The following CTNNA2 variants were observed in gnomAD, a reference collection of about 807,000 sequenced individuals.
The protein encoded by CTNNA2 is catenin alpha-2.
Under a neutral mutation model 101.0 loss-of-function variants are expected in CTNNA2, and 42 were observed. The ratio of observed to expected loss-of-function variants is 0.42; its 90% confidence interval spans 0.32 to 0.54. The LOEUF is 0.54. Ranked by LOEUF, CTNNA2 falls within the 20% of genes least tolerant of loss-of-function variation. The pLI is 0.14. For missense variants in CTNNA2, 871 were observed against 1,223.1 expected (o/e 0.71, Z 4.29); for synonymous variants, 450 against 456.4 (o/e 0.99, Z 0.18).
intron 12 of CTNNA2, among the ~76,000 whole-genome samples, chr2:80,568,399 T>G (rs1431528045): frequency 6.6e-6 from 1 of 152,200 alleles, no homozygotes; most frequent in Non-Finnish European, 1.5e-5. Flanking sequence ...TATCCTTCTC[T>G]ACCCAACTGG....
chr2:80,525,997 A>G (rs1689999565), intron 9 of CTNNA2, among the ~76,000 whole-genome samples: 1 of 151,862 alleles, frequency 6.6e-6, no homozygotes, highest in African/African-American at 2.4e-5. Context: ...TTTTGCACCA[A>G]CCTAATACTC....
chr2:80,591,461 T>A (rs937308029), intron 15 of CTNNA2, among the ~76,000 whole-genome samples: 3 of 133,468 alleles, frequency 2.2e-5, no homozygotes, highest in African/African-American at 6.7e-5. Context: ...CAGCCTGTTT[T>A]TTTTTTTTTT....
intron 3 of CTNNA2, among the ~76,000 whole-genome samples, chr2:79,314,078 A>G (rs938714629): frequency 4.6e-5 from 7 of 152,214 alleles, no homozygotes; most frequent in African/African-American, 1.7e-4. Context: ...ACCTAAGGTG[A>G]GGAATCATTT....
At chr2:80,431,854 A>T (rs193234247) in intron 9 of CTNNA2, among the ~76,000 whole-genome samples, 1 of 152,332 alleles carries the variant, frequency 6.6e-6, no homozygotes, top group Non-Finnish European at 1.5e-5. Context: ...TTCTGTTATT[A>T]ACTGAGACCA....
chr2:80,398,724 C>T (rs577706805), intron 8 of CTNNA2, among the ~76,000 whole-genome samples: 20 of 150,312 alleles, frequency 1.3e-4, no homozygotes, highest in South Asian at 6.4e-4. Flanking sequence ...AAAATTCACC[C>T]GGCATGGTGG....
intron 7 of CTNNA2, among the ~76,000 whole-genome samples, chr2:80,095,624 G>T (rs575942169): frequency 1.3e-5 from 2 of 152,086 alleles, no homozygotes; most frequent in Admixed American, 6.5e-5. Flanking sequence ...CTGTGAATCC[G>T]TCTGGTCCTG....
At chr2:80,169,708 G>T (rs1197333995) in intron 7 of CTNNA2, among the ~76,000 whole-genome samples, 1 of 152,110 alleles carries the variant, frequency 6.6e-6, no homozygotes, top group Non-Finnish European at 1.5e-5. Flanking sequence ...TTCACCTCTG[G>T]ATTCCTTTCA....
At chr2:79,764,759 C>T (rs1673023319) in intron 3 of CTNNA2, among the ~76,000 whole-genome samples, 1 of 152,004 alleles carries the variant, frequency 6.6e-6, no homozygotes, top group African/African-American at 2.4e-5. Flanking sequence ...TTAAAATTGC[C>T]TTTTTTTAAA....
In CTNNA2 at chr2:80,339,265, A is replaced by T. The variant is rs2149275478; in HGVS notation, c.1057-53946A>T. Among the ~76,000 whole-genome samples, 3 of 152,274 alleles carry T rather than the reference A, an allele frequency of 2.0e-5. No homozygotes were observed. The Middle Eastern group carries it at 0.01, about 518-fold the overall frequency. On this transcript the variant is annotated intron_variant, in intron 7 of 18. Transcript: ENST00000402739. ...TCTTTTGCAAGGAATAAAATATGTT[A>T]TAGCCAGATAGTCATCACCAAACTA...
intron 9 of CTNNA2, among the ~76,000 whole-genome samples, chr2:80,481,808 A>T (rs2149500750): frequency 6.6e-6 from 1 of 152,242 alleles, no homozygotes; most frequent in African/African-American, 2.4e-5. Context: ...TTAATCATGC[A>T]AACATATATG....
intron 9 of CTNNA2, among the ~76,000 whole-genome samples, chr2:80,448,446 T>C (rs2149452043): frequency 6.6e-6 from 1 of 152,322 alleles, no homozygotes; most frequent in South Asian, 2.1e-4. Flanking sequence ...TTTGATTCCT[T>C]TGTTTCGCCT....
intron 7 of CTNNA2, among the ~76,000 whole-genome samples, chr2:80,086,465 A>G (rs908924673): frequency 6.6e-6 from 1 of 152,198 alleles, no homozygotes; most frequent in African/African-American, 2.4e-5. Context: ...TGATCCAGAA[A>G]TTCTTGGTCA....
At chr2:79,643,448 A>G (rs1428636556) in intron 1 of CTNNA2, among the ~76,000 whole-genome samples, 2 of 152,084 alleles carry the variant, frequency 1.3e-5, no homozygotes, top group African/African-American at 4.8e-5. Flanking sequence ...AAATTATCCA[A>G]CCCACCCTAG....
chr2:80,131,654 C>T (rs981468671), intron 7 of CTNNA2, among the ~76,000 whole-genome samples: 3 of 152,144 alleles, frequency 2.0e-5, no homozygotes, highest in African/African-American at 7.2e-5. Flanking sequence ...GATTCCATGG[C>T]TCTGATTTTT....
chr2:79,960,973 A>G (rs1409368673), intron 7 of CTNNA2, among the ~76,000 whole-genome samples: 1 of 152,208 alleles, frequency 6.6e-6, no homozygotes, highest in Non-Finnish European at 1.5e-5. Context: ...GTAGTTTCAC[A>G]AAGAGGCTCT....
intron 3 of CTNNA2, among the ~76,000 whole-genome samples, chr2:79,851,998 G>T (rs989741088): frequency 6.6e-6 from 1 of 151,768 alleles, no homozygotes; most frequent in African/African-American, 2.4e-5. Flanking sequence ...TCAGCCTCTC[G>T]AAGTGCTGGG....
Position 79,525,557 on chromosome 2 carries a change from T to C in CTNNA2, c.-6+12350T>C, listed in dbSNP as rs78072288. Among the ~76,000 whole-genome samples the C allele has an allele frequency of 1.0e-2, 1,517 of 152,082 alleles. 29 individuals carry two copies. The highest frequency in any genetic ancestry group is 0.048 in the East Asian group (248 of 5,180). Reference sequence around the variant, plus strand: ...CATTAAAGGTAATGGCAAGATTGCTTTTACATTACATTATTACATTACATT... The same window carrying C: ...CATTAAAGGTAATGGCAAGATTGCTCTTACATTACATTATTACATTACATT... On this transcript the variant is annotated intron_variant, in intron 1 of 18. Transcript: ENST00000402739.
At chr2:79,243,736 C>G (rs1674663653) in intron 2 of CTNNA2, among the ~76,000 whole-genome samples, 1 of 152,050 alleles carries the variant, frequency 6.6e-6, no homozygotes, top group South Asian at 2.1e-4. Flanking sequence ...CTATGGAAGT[C>G]CCCTTTAAGC....
chr2:80,426,897 T>C (rs139981127), intron 9 of CTNNA2, among the ~76,000 whole-genome samples: 1 of 152,178 alleles, frequency 6.6e-6, no homozygotes, highest in Non-Finnish European at 1.5e-5. Flanking sequence ...ATTGTTCAGC[T>C]TTCAGCCTGA....
Sources: gnomAD v4.1 joint callset for allele counts (sites outside exome capture counted in the v4.1 genomes callset) on GRCh38, gnomAD v4.1.1 for gene constraint, MANE v1.5 for transcripts, NCBI Gene and HGNC (gene_info 2026-07-23, HGNC 2026-07-21) for gene names.